Variants in RTN4R observed in about 807,000 individuals in gnomAD.
RTN4R encodes reticulon-4 receptor.
RTN4R carries 4 observed loss-of-function variants against 27.7 expected under a neutral mutation model. The ratio of observed to expected loss-of-function variants is 0.14; its 90% CI spans 0.07 to 0.33. The LOEUF is 0.33. RTN4R is among the 10% of genes least tolerant of loss of function. The probability of loss-of-function intolerance (pLI) is 1.00; values close to 1 mark genes in which losing one functional copy is unlikely to be tolerated. For missense variants in RTN4R, 554 were observed against 671.5 expected (o/e 0.83, Z 1.93); for synonymous variants, 290 against 305.6 (o/e 0.95, Z 0.53).
chr22:20,267,538 C>A (rs2051285313), intron 1 of RTN4R: 3 of 454,908 alleles, frequency 6.6e-6, no homozygotes, highest in Non-Finnish European at 1.4e-5. Flanking sequence ...CTGGAGGCAG[C>A]GCTGGGACAA....
Position 20,241,626 on chromosome 22 carries a change from C to T in RTN4R, c.*85G>A. On this transcript the variant is annotated 3_prime_UTR_variant, in exon 2 of 2. Transcript: ENST00000043402. Reference sequence around the variant, plus strand: ...TGGCCTGGCCTGCCCCACGGGTCGGCCGCCCGGCTGGCTTGGCGGCGTGGA... The same window carrying T: ...TGGCCTGGCCTGCCCCACGGGTCGGTCGCCCGGCTGGCTTGGCGGCGTGGA... The T allele has an allele frequency of 1.3e-6, 2 of 1,494,794 alleles. No individual in the cohort carries two copies. The highest frequency in any genetic ancestry group is 1.4e-5 in the African/African-American group (1 of 72,064). The allele number at this position is 1,494,794 out of a possible 1,614,324, so 92.6% of individuals were successfully genotyped here.
chr22:20,261,410 G>A (rs1200679192), intron 1 of RTN4R, among the ~76,000 whole-genome samples: 1 of 152,230 alleles, frequency 6.6e-6, no homozygotes, highest in Non-Finnish European at 1.5e-5. Flanking sequence ...CCTGGAGCCA[G>A]GTGCACCAGG....
At chr22:20,251,792 G>T (rs62643403) in intron 1 of RTN4R, among the ~76,000 whole-genome samples, 36 of 8,038 alleles carry the variant, frequency 4.5e-3, no homozygotes, top group African/African-American at 6.3e-3. Flanking sequence ...ACCATCACCA[G>T]CCTCAACACC....
chr22:20,241,710 G>A lies in RTN4R; in HGVS notation c.*1C>T. 1 of 1,549,546 alleles carries A rather than the reference G, an allele frequency of 6.5e-7. No homozygotes were observed. Among genetic ancestry groups the A allele is most frequent in the Non-Finnish European group, 8.7e-7 (1 of 1,146,774 alleles). Reference sequence around the variant, plus strand: ...GAGCACGCTCTTGTGTCCGCTGGGGGTCAGCAGGGCCCAAGCACTGTCCAC... The same window carrying A: ...GAGCACGCTCTTGTGTCCGCTGGGGATCAGCAGGGCCCAAGCACTGTCCAC... On this transcript the variant is annotated 3_prime_UTR_variant, in exon 2 of 2. Transcript: ENST00000043402.
At chr22:20,257,778 G>A (rs2051220000) in intron 1 of RTN4R, among the ~76,000 whole-genome samples, 1 of 152,172 alleles carries the variant, frequency 6.6e-6, no homozygotes, top group South Asian at 2.1e-4. Context: ...GTCTTATGCT[G>A]ACACTGGGCC....
At chr22:20,262,560 G>A (rs2051254105) in intron 1 of RTN4R, among the ~76,000 whole-genome samples, 2 of 152,202 alleles carry the variant, frequency 1.3e-5, no homozygotes, top group South Asian at 4.1e-4. Flanking sequence ...TGCAGGGGCT[G>A]CTCTAGCCCC....
At chr22:20,247,563 AGGGGCAGCCAGAATTCCCAT>A (rs1240469898) in intron 1 of RTN4R, among the ~76,000 whole-genome samples, 1 of 147,772 alleles carries the variant, frequency 6.8e-6, no homozygotes, top group African/African-American at 2.5e-5. Context: ...AGACACGTGC[AGGGGCAGCCAGAATTCCCAT>A]GGTGTTTCCT....
intron 1 of RTN4R, among the ~76,000 whole-genome samples, chr22:20,263,651 C>G (rs1165041429): frequency 6.6e-6 from 1 of 152,238 alleles, no homozygotes; most frequent in Non-Finnish European, 1.5e-5. Flanking sequence ...GTGCCAGGGC[C>G]CTGAATGGGG....
intron 1 of RTN4R, among the ~76,000 whole-genome samples, chr22:20,263,881 C>T (rs2145986130): frequency 6.6e-6 from 1 of 152,342 alleles, no homozygotes; most frequent in South Asian, 2.1e-4. Flanking sequence ...CAGAAGAGGC[C>T]CCGCAGGCCA....
chr22:20,258,082 G>A (rs1178715993), intron 1 of RTN4R, among the ~76,000 whole-genome samples: 1 of 152,172 alleles, frequency 6.6e-6, no homozygotes, highest in Non-Finnish European at 1.5e-5. Flanking sequence ...CACCCCCGGA[G>A]GGACCACCAT....
chr22:20,249,246 CA>C, intron 1 of RTN4R: 1 of 530,812 alleles, frequency 1.9e-6, no homozygotes, highest in South Asian at 1.4e-5. Flanking sequence ...GGCCTGCTCC[CA>C]CCCTGGGGAC....
intron 1 of RTN4R, among the ~76,000 whole-genome samples, chr22:20,252,222 C>T (rs1374172218): frequency 7.2e-6 from 1 of 139,786 alleles, no homozygotes; most frequent in East Asian, 2.1e-4. Context: ...TGTGCAAGGC[C>T]CTTAGATAAA....
chr22:20,242,060 G>C lies in RTN4R; in HGVS notation c.1073C>G (p.Ala358Gly). The C allele has an allele frequency of 6.2e-7, 1 of 1,612,518 alleles. No homozygotes were observed. The highest frequency in any genetic ancestry group is 8.5e-7 in the Non-Finnish European group (1 of 1,179,848). Residue 358 changes from alanine to glycine, a missense_variant, in exon 2 of 2, where the codon GCG (alanine) becomes GGG (glycine). By Grantham distance (60) the Ala-to-Gly change is moderately conservative (BLOSUM62 0). This residue lies in a region of RTN4R where 413 missense variants were observed against 542.3 expected (regional missense o/e 0.76). Coordinates refer to ENST00000043402, the MANE Select transcript of RTN4R (RefSeq NM_023004.6). ...ACCGGGCGGCACGCGTCCCTTCAGC[G>C]CATTGCCTGCCGAAGCTGGTCTTCC... is the stretch of plus-strand genomic sequence containing the variant. ...EPGRPASAGN[A>G]LKGRVPPGDS...
In RTN4R at chr22:20,256,952, C is replaced by T. The variant is rs12166005; in HGVS notation, c.22+11119G>A. Among the ~76,000 whole-genome samples the T allele has an allele frequency of 5.8e-3, 879 of 152,334 alleles. 6 individuals are homozygous for T. The highest frequency in any genetic ancestry group is 0.019 in the African/African-American group (809 of 41,564). ...AGGGTGCCCATTCCACTCCACACCT[C>T]GCTGGCCCACTTAGCAGGCTTCTGT... On this transcript the variant is annotated intron_variant, in intron 1 of 1. Coordinates refer to ENST00000043402, the MANE Select transcript of RTN4R (RefSeq NM_023004.6).
intron 1 of RTN4R, among the ~76,000 whole-genome samples, chr22:20,244,550 C>T (rs1602638318): frequency 6.6e-6 from 1 of 152,214 alleles, no homozygotes; most frequent in Non-Finnish European, 1.5e-5. Context: ...GAGATGGCAG[C>T]CCAGGGATGG....
chr22:20,251,684 C>CTAT (rs1387613137), intron 1 of RTN4R, among the ~76,000 whole-genome samples: 1 of 100,374 alleles, frequency 1.0e-5, no homozygotes, highest in Non-Finnish European at 2.1e-5. Flanking sequence ...ATCCTCAACA[C>CTAT]CATCATCACC....
intron 1 of RTN4R, among the ~76,000 whole-genome samples, chr22:20,260,961 G>A (rs2051242872): frequency 2.0e-5 from 3 of 151,830 alleles, no homozygotes; most frequent in African/African-American, 7.3e-5. Context: ...CGGACCCTGT[G>A]CACCCCACTC....
At chr22:20,247,496 C>A in intron 1 of RTN4R, among the ~76,000 whole-genome samples, 1 of 140,912 alleles carries the variant, frequency 7.1e-6, no homozygotes, top group East Asian at 2.5e-4. Context: ...CATCTGTCCC[C>A]CGATCCTCGC....
Position 20,255,909 on chromosome 22 carries a change from C to T in RTN4R, c.22+12162G>A, listed in dbSNP as rs550451667. ...CCCCAATGCGTCTCCACAACCAAACCGAGGCACGCACGCAGCGGCGACGTG... is the reference window on the plus strand; with the variant it reads ...CCCCAATGCGTCTCCACAACCAAACTGAGGCACGCACGCAGCGGCGACGTG... On this transcript the variant is annotated intron_variant, in intron 1 of 1. Coordinates refer to ENST00000043402, the MANE Select transcript of RTN4R (RefSeq NM_023004.6). This position sits in a 1 kb window ranked among gnomAD's most constrained non-coding sequence, Gnocchi z 4.8. 2.0e-5 allele frequency among the ~76,000 whole-genome samples: 3 copies of T among 152,228 alleles called. No homozygotes were observed. Among genetic ancestry groups the T allele is most frequent in the Admixed American group, 6.5e-5 (1 of 15,286 alleles).
Sources: allele counts gnomAD v4.1 joint callset (sites outside exome capture counted in the v4.1 genomes callset), GRCh38; gene constraint gnomAD v4.1.1; regional missense constraint gnomAD v4.1.1; non-coding constraint Gnocchi (gnomAD v3.1); transcripts MANE v1.5; gene names NCBI Gene and HGNC (gene_info 2026-07-23, HGNC 2026-07-21).